The following CCDC60 variants were observed in gnomAD, a reference collection of about 807,000 sequenced individuals.
CCDC60 encodes the protein coiled-coil domain-containing protein 60.
CCDC60 carries 54 observed loss-of-function variants against 63.5 expected under a neutral mutation model. The observed-to-expected ratio is 0.85, with a 90% CI of 0.68 to 1.07. The LOEUF (loss-of-function observed/expected upper bound fraction) is 1.07, where lower values mean the gene tolerates loss of function less well. Ranked by LOEUF, CCDC60 falls within the 50% of genes least tolerant of loss-of-function variation. The probability of loss-of-function intolerance (pLI) is 0.00; values close to 1 mark genes in which losing one functional copy is unlikely to be tolerated. For synonymous variants in CCDC60, 206 were observed against 238.8 expected, an observed-to-expected ratio of 0.86 and a Z score of 1.27; for missense variants, 651 against 684.3, an observed-to-expected ratio of 0.95 and a Z score of 0.54.
intron 1 of CCDC60, among the ~76,000 whole-genome samples, chr12:119,356,366 T>C (rs186614574): frequency 2.0e-5 from 3 of 149,000 alleles, no homozygotes; most frequent in Non-Finnish European, 4.4e-5. Flanking sequence ...CATTTCATTT[T>C]ATTTCATTCA....
chr12:119,495,398 T>C (rs1268502298), intron 5 of CCDC60, among the ~76,000 whole-genome samples: 1 of 152,226 alleles, frequency 6.6e-6, no homozygotes, highest in Non-Finnish European at 1.5e-5. Flanking sequence ...TGCAATTTTC[T>C]TTTATAAAAT....
In CCDC60 at chr12:119,485,345, A is replaced by AAC. The variant is rs139208412; in HGVS notation, c.450-3412_450-3411dup. The stretch of plus-strand genomic sequence containing the variant: ...CCAGGCTGCAGGTGGTAGCACAAGG[A>AAC]ACAGACAGGACAACTCCAGGCTGGA... On this transcript the variant is annotated intron_variant, in intron 4 of 13. Transcript: ENST00000327554. Among the ~76,000 whole-genome samples the AAC allele has an allele frequency of 3.2e-4, 49 of 152,318 alleles. No individual in the cohort carries two copies. The East Asian group carries it at 7.9e-3, about 25-fold the overall frequency.
chr12:119,430,454 C>G (rs1322405275), intron 2 of CCDC60, among the ~76,000 whole-genome samples: 1 of 152,014 alleles, frequency 6.6e-6, no homozygotes, highest in African/African-American at 2.4e-5. Context: ...ATCACAAGGT[C>G]AGGAAATCGA....
chr12:119,488,734 G>A (rs1281872267), intron 4 of CCDC60, 25 bp from the exon 5 acceptor site: 1 of 1,602,082 alleles, frequency 6.2e-7, no homozygotes, highest in South Asian at 1.1e-5. Context: ...GGATCCCACT[G>A]TGTTCCCTCT....
At chr12:119,528,371 G>A (rs1378935413) in intron 11 of CCDC60, among the ~76,000 whole-genome samples, 1 of 152,054 alleles carries the variant, frequency 6.6e-6, no homozygotes, top group African/African-American at 2.4e-5. Context: ...ATCAGAAGTA[G>A]GAAGAGAATG....
At chr12:119,477,356 A>T (rs1204336206) in intron 3 of CCDC60, among the ~76,000 whole-genome samples, 1 of 152,242 alleles carries the variant, frequency 6.6e-6, no homozygotes, top group East Asian at 1.9e-4. Context: ...AAATTTCCAC[A>T]ACTTCCTCAA....
intron 1 of CCDC60, among the ~76,000 whole-genome samples, chr12:119,381,953 G>T (rs1956011850): frequency 1.3e-5 from 2 of 152,210 alleles, no homozygotes; most frequent in Non-Finnish European, 2.9e-5. Context: ...TGCAGTAAGT[G>T]AGCACAAAGC....
At chr12:119,499,543 G>A (rs1416517917) in intron 5 of CCDC60, among the ~76,000 whole-genome samples, 1 of 152,130 alleles carries the variant, frequency 6.6e-6, no homozygotes, top group Non-Finnish European at 1.5e-5. Context: ...ACAGACAGAA[G>A]GCACAGAAAG....
intron 7 of CCDC60, among the ~76,000 whole-genome samples, chr12:119,516,383 G>A (rs1234675448): frequency 6.6e-6 from 1 of 152,220 alleles, no homozygotes; most frequent in Non-Finnish European, 1.5e-5. Flanking sequence ...TGGCATTACA[G>A]GCATTAGCCA....
intron 5 of CCDC60, among the ~76,000 whole-genome samples, chr12:119,498,119 A>G (rs1356601399): frequency 4.6e-5 from 7 of 151,756 alleles, no homozygotes; most frequent in Admixed American, 4.6e-4. Context: ...GACACCCCCA[A>G]CTCCTTATTT....
chr12:119,426,932 A>G (rs1956912003), intron 1 of CCDC60, among the ~76,000 whole-genome samples: 1 of 152,198 alleles, frequency 6.6e-6, no homozygotes, highest in African/African-American at 2.4e-5. Context: ...AGCAGTAGGC[A>G]CCATAGCCCA....
chr12:119,344,841 TCTCTCTCTCTCTCTCACACACA>T (rs1955571534), intron 1 of CCDC60, among the ~76,000 whole-genome samples: 4 of 106,428 alleles, frequency 3.8e-5, no homozygotes, highest in African/African-American at 1.4e-4. Flanking sequence ...TCTCTTTCTC[TCTCTCTCTCTCTCTCACACACA>T]CACACACACA....
chr12:119,488,979 A>G, intron 5 of CCDC60, 113 bp downstream of exon 5: 1 of 833,008 alleles, frequency 1.2e-6, no homozygotes, highest in Non-Finnish European at 2.0e-6. Context: ...GGGCTGTTTC[A>G]GTTCCTCTTC....
intron 3 of CCDC60, 138 bp from the exon 4 acceptor site, chr12:119,478,956 A>T (rs1378199418): frequency 1.5e-6 from 1 of 676,434 alleles, no homozygotes; most frequent in Non-Finnish European, 2.6e-6. Flanking sequence ...TGAAACCCTC[A>T]TCCCTCCAGC....
chr12:119,363,880 T>G (rs776000044), intron 1 of CCDC60, among the ~76,000 whole-genome samples: 9 of 152,210 alleles, frequency 5.9e-5, no homozygotes, highest in South Asian at 2.1e-4. Flanking sequence ...TGGTTGGTTG[T>G]TTGGGGTTTG....
chr12:119,525,752 A>G (rs1952662391), intron 11 of CCDC60, among the ~76,000 whole-genome samples: 1 of 152,202 alleles, frequency 6.6e-6, no homozygotes, highest in South Asian at 2.1e-4. Flanking sequence ...AACACTGCTC[A>G]AAGAAATCAA....
intron 1 of CCDC60, among the ~76,000 whole-genome samples, chr12:119,338,080 G>A (rs936287793): frequency 2.6e-5 from 4 of 152,076 alleles, no homozygotes; most frequent in East Asian, 1.9e-4. Context: ...CTTCCGGCCC[G>A]AAAGCCTCAT....
At chr12:119,510,945 C>T (rs983200951) in intron 7 of CCDC60, among the ~76,000 whole-genome samples, 2 of 152,154 alleles carry the variant, frequency 1.3e-5, no homozygotes, top group Admixed American at 6.5e-5. Flanking sequence ...AATGAGCTAG[C>T]AAATGCTTCC....
chr12:119,449,773 G>A (rs1950599073), intron 2 of CCDC60, among the ~76,000 whole-genome samples: 3 of 152,074 alleles, frequency 2.0e-5, no homozygotes, highest in African/African-American at 7.2e-5. Flanking sequence ...GTTCATGGGA[G>A]AGACCAGGGG....
Sources: allele counts gnomAD v4.1 joint callset (sites outside exome capture counted in the v4.1 genomes callset), GRCh38; gene constraint gnomAD v4.1.1; transcripts MANE v1.5; gene names NCBI Gene and HGNC (gene_info 2026-07-23, HGNC 2026-07-21).